AK9: variants seen among roughly 807,000 people sequenced by gnomAD.
AK9 encodes the protein adenylate kinase domain containing 1.
Under a neutral mutation model 239.6 loss-of-function variants are expected in AK9, and 191 were observed. That is an observed-to-expected ratio of 0.80 (90% CI 0.71 to 0.90). The LOEUF is 0.90. AK9 is among the 40% of genes least tolerant of loss of function. The probability of loss-of-function intolerance (pLI) is 0.00; values close to 1 mark genes in which losing one functional copy is unlikely to be tolerated. For missense variants in AK9, 1,995 were observed against 2,214.7 expected (o/e 0.90, Z 1.99); for synonymous variants, 689 against 721.0 (o/e 0.96, Z 0.71).
intron 27 of AK9, among the ~76,000 whole-genome samples, chr6:109,540,131 G>A (rs1194677249): frequency 6.6e-6 from 1 of 151,480 alleles, no homozygotes; most frequent in Non-Finnish European, 1.5e-5. Flanking sequence ...CTTCAAAGCT[G>A]TCAGACAGGG....
intron 8 of AK9, among the ~76,000 whole-genome samples, chr6:109,647,768 C>T (rs1798285272): frequency 1.4e-5 from 2 of 147,958 alleles, no homozygotes; most frequent in Admixed American, 1.4e-4. Context: ...CTCTCCACCC[C>T]AAATCAACAG....
At chr6:109,617,333 T>C (rs1794296543) in intron 13 of AK9, among the ~76,000 whole-genome samples, 1 of 152,108 alleles carries the variant, frequency 6.6e-6, no homozygotes, top group Non-Finnish European at 1.5e-5. Context: ...ACCCATTTCA[T>C]GGAACAAATG....
At chr6:109,510,459 C>G (rs1233555029) in intron 32 of AK9, among the ~76,000 whole-genome samples, 1 of 152,106 alleles carries the variant, frequency 6.6e-6, no homozygotes, top group Non-Finnish European at 1.5e-5. Context: ...GAACTACCCT[C>G]TCTGCTGAGA....
chr6:109,552,285 G>A (rs2128166790), intron 24 of AK9, among the ~76,000 whole-genome samples: 1 of 152,282 alleles, frequency 6.6e-6, no homozygotes, highest in East Asian at 1.9e-4. Context: ...TCGCCACACT[G>A]TGTTTCAAAT....
rs73529305 is a variant in AK9 at position 109,656,913 on chromosome 6, T to C, written c.631-29A>G. 1.6e-3 allele frequency: 2,622 copies of C among 1,609,654 alleles called. 43 individuals carry two copies. The African/African-American group carries it at 0.026, about 16-fold the overall frequency. On this transcript the variant is annotated intron_variant, in intron 7 of 40. Transcript: ENST00000424296. ...AATGGAAAAGAAGAGATTTCAAATA[T>C]CTTTAGGTCAATGACTATTCAATTT...
At chr6:109,514,856 C>G (rs78180305) in intron 31 of AK9, among the ~76,000 whole-genome samples, 1 of 152,058 alleles carries the variant, frequency 6.6e-6, no homozygotes. Flanking sequence ...GCCCTAGCAC[C>G]CCAAGTGACT....
chr6:109,504,626 T>C (rs1479784809), intron 35 of AK9, among the ~76,000 whole-genome samples: 1 of 151,858 alleles, frequency 6.6e-6, no homozygotes, highest in Non-Finnish European at 1.5e-5. Flanking sequence ...CTGGTCAACA[T>C]GGTGAAACCC....
At chr6:109,639,917 A>G (rs959195556) in intron 10 of AK9, among the ~76,000 whole-genome samples, 11 of 152,102 alleles carry the variant, frequency 7.2e-5, no homozygotes, top group Non-Finnish European at 1.6e-4. Context: ...TCCTTTCCCC[A>G]TTTCTTGTTT....
chr6:109,677,610 G>A (rs554927859), intron 1 of AK9, among the ~76,000 whole-genome samples: 34 of 152,150 alleles, frequency 2.2e-4, no homozygotes, highest in African/African-American at 7.9e-4. Flanking sequence ...ATATGATAAA[G>A]GAGGCATTTA....
At chr6:109,538,706 A>G (rs1196627207) in intron 27 of AK9, among the ~76,000 whole-genome samples, 1 of 151,814 alleles carries the variant, frequency 6.6e-6, no homozygotes, top group African/African-American at 2.4e-5. Context: ...AGCATCAATG[A>G]TCTTTACAAT....
rs1796317392 is a variant in AK9 at position 109,633,191 on chromosome 6, A to G, written c.1066T>C (p.Ser356Pro). 1 of 1,591,468 alleles carries G rather than the reference A, an allele frequency of 6.3e-7. No homozygotes were observed. The highest frequency in any genetic ancestry group is 2.2e-5 in the East Asian group (1 of 44,684). The change falls in exon 11 of 41, where the codon TCT (serine) becomes CCT (proline). Residue 356 changes from serine to proline, a missense_variant. Ser to Pro is a moderately conservative substitution (Grantham distance 74). Transcript: ENST00000424296. ...TCTGAAAATCTTACTTACCTCACAGAATAATCTGGTAATCCTGAATAAATG... is the reference window on the plus strand; with the variant it reads ...TCTGAAAATCTTACTTACCTCACAGGATAATCTGGTAATCCTGAATAAATG... ...GNIYSGLPDY[S>P]VSFLGKIYCL...
intron 9 of AK9, among the ~76,000 whole-genome samples, chr6:109,642,468 T>C (rs1797574625): frequency 6.6e-6 from 1 of 152,168 alleles, no homozygotes; most frequent in Non-Finnish European, 1.5e-5. Context: ...ATTCCACTAA[T>C]GTCAAGCTTC....
intron 20 of AK9, among the ~76,000 whole-genome samples, chr6:109,574,875 C>A (rs1444322770): frequency 6.6e-6 from 1 of 152,142 alleles, no homozygotes; most frequent in Non-Finnish European, 1.5e-5. Context: ...ACCTTCCCTG[C>A]AAATTCCCGA....
At chr6:109,561,733 C>T (rs1165091219) in intron 24 of AK9, among the ~76,000 whole-genome samples, 2 of 151,956 alleles carry the variant, frequency 1.3e-5, no homozygotes, top group Non-Finnish European at 2.9e-5. Flanking sequence ...CATATGTTTT[C>T]TCCTTTATTT....
chr6:109,675,663 G>C lies in AK9; in HGVS notation c.83C>G (p.Ser28Cys). Residue 28 changes from serine to cysteine, a missense_variant, in exon 2 of 41, where the codon TCC becomes TGC. By Grantham distance (112) the Ser-to-Cys change is moderately radical (BLOSUM62 -1). Around this residue, in one of 5 missense-constraint regions of AK9, gnomAD observed 252 missense variants for 246.4 expected, o/e 1.02. Coordinates refer to ENST00000424296, the MANE Select transcript of AK9 (RefSeq NM_001145128.3). ...EDETERNFLL[S>C]KPVCFVVFGK... is the part of the protein sequence containing the mutation. ...AAATACAACAAAGCAAACAGGTTTGGACAACAAAAAATTCCTTTCAGTTTC... is the reference window on the plus strand; with the variant it reads ...AAATACAACAAAGCAAACAGGTTTGCACAACAAAAAATTCCTTTCAGTTTC... 6.3e-7 allele frequency: 1 copy of C among 1,591,606 alleles called. No homozygotes were observed. The highest frequency in any genetic ancestry group is 8.5e-7 in the Non-Finnish European group (1 of 1,169,746).
intron 33 of AK9, 128 bp downstream of exon 33, chr6:109,509,051 G>A: frequency 9.7e-7 from 1 of 1,027,590 alleles, no homozygotes; most frequent in South Asian, 1.8e-5. Flanking sequence ...GGTGCCCAGA[G>A]TTTGAGAGAA....
At chr6:109,638,906 G>C (rs191520925) in intron 10 of AK9, among the ~76,000 whole-genome samples, 1 of 152,212 alleles carries the variant, frequency 6.6e-6, no homozygotes, top group Admixed American at 6.5e-5. Context: ...GCAGTGTTTG[G>C]TTTTCTGTCC....
In AK9 at chr6:109,514,349, G is replaced by A; in HGVS notation, c.4154C>T (p.Ser1385Phe). Residue 1385 changes from serine (S) to phenylalanine (F), a missense_variant, in exon 32 of 41, where the codon TCT becomes TTT. This residue lies in a region of AK9 where 1,290 missense variants were observed against 1,392.7 expected (regional missense o/e 0.93). Coordinates refer to ENST00000424296, the MANE Select transcript of AK9 (RefSeq NM_001145128.3). Reference protein sequence around the residue: ...VIHRQYIYFLSSKETKEKFMK... With the variant: ...VIHRQYIYFLFSKETKEKFMK... ...AAATTTTTCTTTTGTTTCTTTACTA[G>A]ATAAAAAATAAATATACTGACGATG... The A allele has an allele frequency of 6.4e-7, 1 of 1,550,882 alleles. No individual in the cohort carries two copies. The highest frequency in any genetic ancestry group is 8.7e-7 in the Non-Finnish European group (1 of 1,146,592).
chr6:109,506,242 A>G (rs1392385883), intron 35 of AK9, 85 bp downstream of exon 35: 3 of 1,269,096 alleles, frequency 2.4e-6, no homozygotes, highest in Admixed American at 3.6e-5. Context: ...CTCATGTTCA[A>G]ATGGAATGAA....
Sources: gnomAD v4.1 joint callset for allele counts (sites outside exome capture counted in the v4.1 genomes callset) on GRCh38, gnomAD v4.1.1 for gene constraint, gnomAD v4.1.1 regional missense constraint, MANE v1.5 for transcripts, NCBI Gene and HGNC (gene_info 2026-07-23, HGNC 2026-07-21) for gene names.